The following PSMC3 variants were observed in gnomAD, a reference collection of about 807,000 sequenced individuals.
PSMC3 encodes the protein 26S proteasome regulatory subunit 6A.
In PSMC3, 11 loss-of-function variants were observed where a neutral mutation model predicts 52.0. The observed-to-expected ratio is 0.21, with a 90% CI of 0.13 to 0.35. The LOEUF is 0.35. Among genes scored for constraint, PSMC3 ranks in the 10% least tolerant of loss-of-function variants. The pLI, the probability that PSMC3 is intolerant of heterozygous loss-of-function variation, is 1.00. For missense variants in PSMC3, 238 were observed against 567.1 expected, an observed-to-expected ratio of 0.42 and a Z score of 5.89; for synonymous variants, 201 against 218.8, an observed-to-expected ratio of 0.92 and a Z score of 0.72.
At chr11:47,421,123 G>A (rs975511831) in intron 8 of PSMC3, among the ~76,000 whole-genome samples, 4 of 151,856 alleles carry the variant, frequency 2.6e-5, no homozygotes, top group Non-Finnish European at 5.9e-5. Context: ...CGTGGTGGCA[G>A]CCACCTGTAA....
chr11:47,425,788 G>C (rs2096045713), intron 2 of PSMC3, 79 bp downstream of exon 2: 1 of 1,304,208 alleles, frequency 7.7e-7, no homozygotes, highest in Admixed American at 2.2e-5. Context: ...TGCCCGATTA[G>C]GAAGTACGAG....
rs570260418 is a variant in PSMC3 at position 47,421,042 on chromosome 11, C to T, written c.885-315G>A. On this transcript the variant is annotated intron_variant, in intron 8 of 11. Transcript: ENST00000298852. ...GGCCTATCACCTGAGGTCAGGAGTT[C>T]GAGACCAGCCTGGCCAACCAGGTGA... Among the ~76,000 whole-genome samples, 9 of 152,072 alleles carry T rather than the reference C, an allele frequency of 5.9e-5. No homozygotes were observed. The South Asian group carries it at 6.2e-4, about 11-fold the overall frequency.
At position 47,424,562 on chromosome 11, in the gene PSMC3, C is replaced by T. The variant is rs146210411; in HGVS notation, c.390+45G>A. 344 of 1,605,298 alleles carry T rather than the reference C, an allele frequency of 2.1e-4. 4 individuals are homozygous for T. In the African/African-American group the frequency reaches 3.2e-3, roughly 15 times the overall value. On this transcript the variant is annotated intron_variant, in intron 4 of 11. Transcript: ENST00000298852. The surrounding 1 kb of genome is among the most constrained non-coding windows in gnomAD (Gnocchi z 4.8). ...AGGCTCCCTAGTCCTGTCCCACATC[C>T]GCTCCTCACCCTCCTCCAGTCTCTC... is the stretch of plus-strand genomic sequence containing the variant.
chr11:47,419,094 C>T (rs1406701926), intron 11 of PSMC3, 22 bp downstream of exon 11: 3 of 1,613,850 alleles, frequency 1.9e-6, no homozygotes, highest in African/African-American at 2.7e-5. Flanking sequence ...AAGCAACGCA[C>T]CCACCCCAGC....
intron 8 of PSMC3, among the ~76,000 whole-genome samples, chr11:47,421,106 A>G (rs2096039886): frequency 6.6e-6 from 1 of 151,998 alleles, no homozygotes; most frequent in South Asian, 2.1e-4. Context: ...TACAAAAATT[A>G]GCCAGGCGTG....
chr11:47,419,710 T>C (rs1367611364), intron 10 of PSMC3, among the ~76,000 whole-genome samples: 1 of 151,918 alleles, frequency 6.6e-6, no homozygotes, highest in African/African-American at 2.4e-5. Context: ...ATACAAAAAA[T>C]TAGCCGGGCG....
chr11:47,419,715 C>T (rs796937472), intron 10 of PSMC3, among the ~76,000 whole-genome samples: 83 of 152,062 alleles, frequency 5.5e-4, no homozygotes, highest in African/African-American at 1.9e-3. Flanking sequence ...AAAAATTAGC[C>T]GGGCGTGGTG....
rs1377071110 is a variant in PSMC3, at chr11:47,424,251, G to T, written c.454-68C>A. The T allele has an allele frequency of 6.2e-7, 1 of 1,605,970 alleles. No individual in the cohort carries two copies. The stretch of plus-strand genomic sequence containing the variant: ...GGGCTACCCAACTGACTGGGTGACA[G>T]GTGTCTGCAGAGGGAAAGACACAGG... On this transcript the variant is annotated intron_variant, in intron 5 of 11. Transcript: ENST00000298852. This position sits in a 1 kb window ranked among gnomAD's most constrained non-coding sequence, Gnocchi z 4.8.
intron 8 of PSMC3, among the ~76,000 whole-genome samples, chr11:47,421,654 ATTTT>A (rs10710820): frequency 7.1e-6 from 1 of 140,302 alleles, no homozygotes. Flanking sequence ...GGAAAGTTTG[ATTTT>A]TTTTTTTTTT....
At position 47,424,043 on chromosome 11, in the gene PSMC3, C is replaced by T. The variant is rs766465627; in HGVS notation, c.591+3G>A. 6.2e-7 allele frequency: 1 copy of T among 1,614,220 alleles called. No homozygotes were observed. The highest frequency in any genetic ancestry group is 8.5e-7 in the Non-Finnish European group (1 of 1,180,048). ...CTGCTGGCAGCTGCCGTGCCTCCCT[C>T]ACCTCCTGGATCTGCTTGTCCAAAC... On this transcript the variant is annotated splice_donor_region_variant and intron_variant, in intron 6 of 11. Transcript: ENST00000298852. This position sits in a 1 kb window ranked among gnomAD's most constrained non-coding sequence, Gnocchi z 4.8.
chr11:47,426,338 C>T lies in PSMC3; in HGVS notation c.-59G>A. ...CGGGAGCCGCAACGGGAGATTAATA[C>T]CGTCTTTCTTAAAGCCTTCTCTTGA... On this transcript the variant is annotated 5_prime_UTR_variant, in exon 1 of 12. Transcript: ENST00000298852. The T allele has an allele frequency of 1.4e-6, 2 of 1,426,194 alleles. No individual in the cohort carries two copies. Among genetic ancestry groups the T allele is most frequent in the African/African-American group, 1.4e-5 (1 of 70,016 alleles). 88.3% of individuals were successfully genotyped at this position (1,426,194 alleles called of 1,614,324 possible). A position where few individuals can be genotyped will look rare whatever the true frequency, so the allele number is the denominator to read the frequency against.
In PSMC3 at chr11:47,418,868, G is replaced by C. The variant is rs1259881842; in HGVS notation, c.1287C>G (p.Ala429=). 10 of 1,614,048 alleles carry C rather than the reference G, an allele frequency of 6.2e-6. No individual in the cohort carries two copies. Among genetic ancestry groups the C allele is most frequent in the Non-Finnish European group, 8.5e-6 (10 of 1,180,028 alleles). ...AGTATTGTAGGTTGGCTTTCTTCTTGGCCTGCACCTCCAGGATGCCTTCCA... is the reference window on the plus strand; with the variant it reads ...AGTATTGTAGGTTGGCTTTCTTCTTCGCCTGCACCTCCAGGATGCCTTCCA... The part of the protein sequence containing the change: ...DYMEGILEVQ[A]KKKANLQYYA Residue 429 remains alanine, a synonymous_variant, in exon 12 of 12, where the codon GCC becomes GCG. Transcript: ENST00000298852.
Position 47,419,102 on chromosome 11 carries a change from A to T in PSMC3, c.1209+14T>A, listed in dbSNP as rs1028319494. ...AGGCACAAAGCAACGCACCCACCCC[A>T]GCTGACCACTCACCGCCTCCACACA... On this transcript the variant is annotated intron_variant, in intron 11 of 11. Transcript: ENST00000298852. 15 of 1,613,934 alleles carry T rather than the reference A, an allele frequency of 9.3e-6. No individual in the cohort carries two copies. Among genetic ancestry groups the T allele is most frequent in the Non-Finnish European group, 1.3e-5 (15 of 1,180,010 alleles).
intron 6 of PSMC3, among the ~76,000 whole-genome samples, chr11:47,423,513 G>A (rs1447249367): frequency 6.6e-6 from 1 of 152,154 alleles, no homozygotes. Context: ...GGGGCTGGGA[G>A]CAGTGGCTCA....
Position 47,424,800 on chromosome 11 carries a change from C to A in PSMC3, c.286-89G>T. 8.5e-7 allele frequency: 1 copy of A among 1,169,810 alleles called. No homozygotes were observed. Among genetic ancestry groups the A allele is most frequent in the South Asian group, 1.3e-5 (1 of 79,582 alleles). The allele number at this position is 1,169,810 out of a possible 1,614,324, so 72.5% of individuals were successfully genotyped here. Reference sequence around the variant, plus strand: ...CCTAATACCTGCAGGGCTGGCCATCCTTACCTCCCTCCTCCAATAGCCCTG... The same window carrying A: ...CCTAATACCTGCAGGGCTGGCCATCATTACCTCCCTCCTCCAATAGCCCTG... On this transcript the variant is annotated intron_variant, in intron 3 of 11. Coordinates refer to ENST00000298852, the MANE Select transcript of PSMC3 (RefSeq NM_002804.5). The surrounding 1 kb of genome is among the most constrained non-coding windows in gnomAD (Gnocchi z 4.8).
chr11:47,425,964 TTTG>T lies in PSMC3; in HGVS notation c.76-17_76-15del. 1 of 1,604,254 alleles carries T rather than the reference TTTG, an allele frequency of 6.2e-7. No individual in the cohort carries two copies. The highest frequency in any genetic ancestry group is 1.1e-5 in the South Asian group (1 of 90,768). Reference sequence around the variant, plus strand: ...AATTCCATCTTGCTGTAAAAAATTATTTGTTTATTTATATATTTACTTTTACTC... The same window carrying T: ...AATTCCATCTTGCTGTAAAAAATTATTTTATTTATATATTTACTTTTACTC... On this transcript the variant is annotated splice_polypyrimidine_tract_variant and intron_variant, in intron 1 of 11. Transcript: ENST00000298852.
Position 47,425,895 on chromosome 11 carries a change from C to A in PSMC3, c.131G>T (p.Arg44Leu). The change falls in exon 2 of 12, where the codon CGC (arginine) becomes CTC (leucine). Residue 44 changes from arginine (R) to leucine (L), a missense_variant. By Grantham distance (102) the Arg-to-Leu change is moderately radical. Coordinates refer to ENST00000298852, the MANE Select transcript of PSMC3 (RefSeq NM_002804.5). Reference sequence around the variant, plus strand: ...GATCTCACTGTCCAGCAGCCGTGTGCGCTGGATGATCTCCTCCGTGGACAT... The same window carrying A: ...GATCTCACTGTCCAGCAGCCGTGTGAGCTGGATGATCTCCTCCGTGGACAT... ...LKMSTEEIIQRTRLLDSEIKI... is the reference protein window; with the variant it reads ...LKMSTEEIIQLTRLLDSEIKI... The A allele has an allele frequency of 6.2e-7, 1 of 1,614,056 alleles. No individual in the cohort carries two copies. The highest frequency in any genetic ancestry group is 8.5e-7 in the Non-Finnish European group (1 of 1,179,886).
In PSMC3 at chr11:47,424,310, C is replaced by T; in HGVS notation, c.453+119G>A. On this transcript the variant is annotated intron_variant, in intron 5 of 11. Coordinates refer to ENST00000298852, the MANE Select transcript of PSMC3 (RefSeq NM_002804.5). This position sits in a 1 kb window ranked among gnomAD's most constrained non-coding sequence, Gnocchi z 4.8. The stretch of plus-strand genomic sequence containing the variant: ...ATACAAGAATCAAACAGCAAGTAGA[C>T]AGAATCCCAGACTCTCGGAGCTGTT... 6.4e-7 allele frequency: 1 copy of T among 1,554,850 alleles called. No individual in the cohort carries two copies. The highest frequency in any genetic ancestry group is 8.9e-7 in the Non-Finnish European group (1 of 1,127,572).
chr11:47,422,487 A>C lies in PSMC3; in HGVS notation c.884+87T>G. ...GGGGCAGGAGGGGATACAGGGTGGGAAGGAACCACAATTTAGCACAACTGA... is the reference window on the plus strand; with the variant it reads ...GGGGCAGGAGGGGATACAGGGTGGGCAGGAACCACAATTTAGCACAACTGA... On this transcript the variant is annotated intron_variant, in intron 8 of 11. Coordinates refer to ENST00000298852, the MANE Select transcript of PSMC3 (RefSeq NM_002804.5). This position sits in a 1 kb window ranked among gnomAD's most constrained non-coding sequence, Gnocchi z 4.3. 21 of 1,525,160 alleles carry C rather than the reference A, an allele frequency of 1.4e-5. No individual in the cohort carries two copies. The highest frequency in any genetic ancestry group is 1.4e-5 in the Non-Finnish European group (16 of 1,118,760). The allele number at this position is 1,525,160 out of a possible 1,614,324, so 94.5% of individuals were successfully genotyped here. A position where few individuals can be genotyped will look rare whatever the true frequency, so the allele number is the denominator to read the frequency against.
Sources: allele counts gnomAD v4.1 joint callset (sites outside exome capture counted in the v4.1 genomes callset), GRCh38; gene constraint gnomAD v4.1.1; non-coding constraint Gnocchi (gnomAD v3.1); transcripts MANE v1.5; gene names NCBI Gene and HGNC (gene_info 2026-07-23, HGNC 2026-07-21).